Variants in KANK3 observed in about 807,000 individuals in gnomAD.
KANK3 encodes the protein KN motif and ankyrin repeat domains 3, also known as KN motif and ankyrin repeat domain-containing protein 3.
Under a neutral mutation model 65.4 loss-of-function variants are expected in KANK3, and 61 were observed. The ratio of observed to expected loss-of-function variants is 0.93; its 90% CI spans 0.76 to 1.15. The LOEUF (loss-of-function observed/expected upper bound fraction) is 1.15. Ranked by LOEUF, KANK3 falls within the 50% of genes most tolerant of loss-of-function variation. The pLI is 0.00. For missense variants in KANK3, 1,187 were observed against 1,178.8 expected (o/e 1.01, Z -0.10); for synonymous variants, 586 against 543.3 (o/e 1.08, Z -1.09).
chr19:8,325,069 C>T lies in KANK3; in HGVS notation c.1964G>A (p.Arg655Gln), dbSNP rs553565292. Residue 655 changes from arginine to glutamine, a missense_variant, in exon 8 of 11, where the codon CGA becomes CAA. Transcript: ENST00000330915. The stretch of plus-strand genomic sequence containing the variant: ...CAGCATGAGGGCCGAGTAGCCGGCT[C>T]GGTTCTGGCGGTTGACCTCGCAGGC... The part of the protein sequence containing the change: ...TGACEVNRQN[R>Q]AGYSALMLAA... 110 of 1,613,402 alleles carry T rather than the reference C, an allele frequency of 6.8e-5. No individual in the cohort carries two copies. Among genetic ancestry groups the T allele is most frequent in the Non-Finnish European group, 8.7e-5 (103 of 1,179,914 alleles).
chr19:8,340,291 T>TATATATATATATACACAC (rs1472181365), intron 1 of KANK3, among the ~76,000 whole-genome samples: 28 of 92,864 alleles, frequency 3.0e-4, no homozygotes, highest in South Asian at 7.2e-4. Flanking sequence ...TATATATATA[T>TATATATATATATACACAC]ACACACACAC....
Position 8,324,721 on chromosome 19 carries a change from G to C in KANK3, c.2192C>G (p.Thr731Arg), listed in dbSNP as rs370788910. 4.2e-5 allele frequency: 68 copies of C among 1,613,906 alleles called. No homozygotes were observed. In the African/African-American group the frequency reaches 7.1e-4, roughly 17 times the overall value. The change falls in exon 9 of 11, where the codon ACA becomes AGA. Residue 731 changes from threonine (T) to arginine (R), a missense_variant. Thr to Arg is a moderately conservative substitution (Grantham distance 71). Coordinates refer to ENST00000330915, the MANE Select transcript of KANK3 (RefSeq NM_198471.3). ...DVNAQDADGATALMCASEYGR... is the reference protein window; with the variant it reads ...DVNAQDADGARALMCASEYGR... ...ATACTCACTGGCACACATCAGCGCT[G>C]TGGCCCCATCCGCATCCTGCGCATT...
chr19:8,335,400 G>C lies in KANK3; in HGVS notation c.427C>G (p.Leu143Val). ...TLRETSRRLE[L>V]AQTHERAPSP... ...GGCGCGCGCTCGTGTGTCTGCGCCAGCTCCAGCCGCCGGCTGGTCTCCCGG... is the reference window on the plus strand; with the variant it reads ...GGCGCGCGCTCGTGTGTCTGCGCCACCTCCAGCCGCCGGCTGGTCTCCCGG... The change falls in exon 3 of 11, where the codon CTG becomes GTG. Residue 143 changes from leucine (L) to valine (V), a missense_variant. Leu to Val is a conservative substitution (Grantham distance 32). Transcript: ENST00000330915. 1 of 1,202,768 alleles carries C rather than the reference G, an allele frequency of 8.3e-7. No homozygotes were observed. Among genetic ancestry groups the C allele is most frequent in the Non-Finnish European group, 1.0e-6 (1 of 969,282 alleles). 74.5% of individuals were successfully genotyped at this position (1,202,768 alleles called of 1,614,324 possible). A position where few individuals can be genotyped will look rare whatever the true frequency, so the allele number is the denominator to read the frequency against.
chr19:8,334,152 C>T (rs1340846808), intron 4 of KANK3, 36 bp from the exon 5 acceptor site: 2 of 1,490,126 alleles, frequency 1.3e-6, no homozygotes, highest in Admixed American at 2.2e-5. Flanking sequence ...CTAAACCTCC[C>T]CTGTGGGCTC....
intron 7 of KANK3, among the ~76,000 whole-genome samples, chr19:8,332,026 T>C (rs1256183161): frequency 8.1e-6 from 1 of 123,194 alleles, no homozygotes; most frequent in African/African-American, 3.3e-5. Flanking sequence ...GAGTCTTGCA[T>C]TGTGGCCCAG....
At position 8,324,537 on chromosome 19, in the gene KANK3, C is replaced by G. The variant is rs1970384519; in HGVS notation, c.2294G>C (p.Ser765Thr). Residue 765 changes from serine (S) to threonine (T), a missense_variant, in exon 10 of 11, where the codon AGT (serine) becomes ACT (threonine). Physicochemically the swap from Ser to Thr is moderately conservative, Grantham distance 58. This residue lies in a region of KANK3 where 1,078 missense variants were observed against 1,038.2 expected (regional missense o/e 1.04). Coordinates refer to ENST00000330915, the MANE Select transcript of KANK3 (RefSeq NM_198471.3). ...DPAILDNEGTSALAIALEAEQ... is the reference protein window; with the variant it reads ...DPAILDNEGTTALAIALEAEQ... ...AGCCTCCAGGGCGATGGCCAGGGCA[C>G]TGGTGCCCTCCTGTGGAACGTTAGG... The G allele has an allele frequency of 1.2e-6, 2 of 1,613,716 alleles. No individual in the cohort carries two copies. The highest frequency in any genetic ancestry group is 1.7e-6 in the Non-Finnish European group (2 of 1,179,910).
At position 8,335,200 on chromosome 19, in the gene KANK3, C is replaced by G; in HGVS notation, c.627G>C (p.Glu209Asp). 1 of 1,219,686 alleles carries G rather than the reference C, an allele frequency of 8.2e-7. No homozygotes were observed. The highest frequency in any genetic ancestry group is 1.0e-6 in the Non-Finnish European group (1 of 980,214). The allele number at this position is 1,219,686 out of a possible 1,614,324, so 75.6% of individuals were successfully genotyped here. The change falls in exon 3 of 11, where the codon GAG becomes GAC. Residue 209 changes from glutamate to aspartate, a missense_variant. Coordinates refer to ENST00000330915, the MANE Select transcript of KANK3 (RefSeq NM_198471.3). ...ELEDQARTLP[E>D]LQEQVRALRA... is the part of the protein sequence containing the mutation. ...GCAGCGCGCGCACCTGCTCCTGCAG[C>G]TCGGGCAGCGTTCGCGCCTGGTCCT...
intron 1 of KANK3, among the ~76,000 whole-genome samples, chr19:8,341,179 T>G (rs1206270196): frequency 6.6e-6 from 1 of 151,982 alleles, no homozygotes; most frequent in Admixed American, 6.6e-5. Flanking sequence ...CTTTTGATAT[T>G]TACTATGGGC....
intron 10 of KANK3, among the ~76,000 whole-genome samples, chr19:8,323,749 T>C (rs1305776313): frequency 6.6e-6 from 1 of 152,012 alleles, no homozygotes; most frequent in African/African-American, 2.4e-5. Flanking sequence ...AAATAAAAAA[T>C]GGTAAGTGGA....
intron 1 of KANK3, among the ~76,000 whole-genome samples, chr19:8,340,058 C>T (rs1352138018): frequency 6.6e-6 from 1 of 151,046 alleles, no homozygotes; most frequent in African/African-American, 2.4e-5. Flanking sequence ...CATGGAAAAC[C>T]TTCAGGGAGG....
At position 8,333,960 on chromosome 19, in the gene KANK3, C is replaced by G; in HGVS notation, c.1584G>C (p.Arg528=). The G allele has an allele frequency of 6.4e-7, 1 of 1,562,540 alleles. No individual in the cohort carries two copies. The highest frequency in any genetic ancestry group is 2.4e-5 in the East Asian group (1 of 42,028). ...TPGPPSGGDI[R]DPEPEAEAEP... is the part of the protein sequence containing the mutation. ...CTGCCTCCGCCTCGGGCTCAGGGTC[C>G]CGGATGTCCCCGCCGCTGGGAGGGC... The change falls in exon 5 of 11, where the codon CGG becomes CGC. Residue 528 remains arginine, a synonymous_variant. Coordinates refer to ENST00000330915, the MANE Select transcript of KANK3 (RefSeq NM_198471.3). This position sits in a 1 kb window ranked among gnomAD's most constrained non-coding sequence, Gnocchi z 5.0.
Position 8,324,684 on chromosome 19 carries a change from G to A in KANK3, c.2229C>T (p.Asp743=), listed in dbSNP as rs757098841. The change falls in exon 9 of 11, where the codon GAC becomes GAT. Residue 743 remains aspartate (D), a synonymous_variant. Coordinates refer to ENST00000330915, the MANE Select transcript of KANK3 (RefSeq NM_198471.3). ...GCTGGGTGAGCAGCAGCCGCACGGT[G>A]TCCAGGCGCCCATACTCACTGGCAC... ...LMCASEYGRL[D]TVRLLLTQPG... 4.3e-6 allele frequency: 7 copies of A among 1,614,052 alleles called. No homozygotes were observed. Among genetic ancestry groups the A allele is most frequent in the Non-Finnish European group, 5.9e-6 (7 of 1,180,034 alleles).
chr19:8,326,261 T>C (rs990154133), intron 7 of KANK3, among the ~76,000 whole-genome samples: 9 of 151,854 alleles, frequency 5.9e-5, no homozygotes, highest in Non-Finnish European at 1.2e-4. Flanking sequence ...GAACCCCATC[T>C]CTACTAAAAA....
chr19:8,324,061 C>A (rs1466180445), intron 10 of KANK3, among the ~76,000 whole-genome samples: 1 of 152,196 alleles, frequency 6.6e-6, no homozygotes, highest in Non-Finnish European at 1.5e-5. Flanking sequence ...TTACTTCCCC[C>A]CTTGAGGACT....
chr19:8,337,762 C>G (rs1365061659), intron 2 of KANK3, 33 bp downstream of exon 2: 17 of 1,608,200 alleles, frequency 1.1e-5, no homozygotes, highest in Non-Finnish European at 1.2e-5. Flanking sequence ...TGCATGCGCA[C>G]ACACACACAC....
At chr19:8,339,280 TG>T in intron 1 of KANK3, among the ~76,000 whole-genome samples, 1 of 151,776 alleles carries the variant, frequency 6.6e-6, no homozygotes, top group East Asian at 1.9e-4. Flanking sequence ...CTCAGCACTC[TG>T]GGAAGCCAAA....
chr19:8,322,892 T>C lies in KANK3; in HGVS notation c.2413A>G (p.Thr805Ala). The C allele has an allele frequency of 6.4e-7, 1 of 1,562,900 alleles. No homozygotes were observed. ...SESPPGSQTA[T>A]PGEGECGDNG... Reference sequence around the variant, plus strand: ...TCACCGCATTCTCCTTCACCAGGTGTGGCTGTCTGGGAGCCAGGGGGTGAC... The same window carrying C: ...TCACCGCATTCTCCTTCACCAGGTGCGGCTGTCTGGGAGCCAGGGGGTGAC... The change falls in exon 11 of 11, where the codon ACA becomes GCA. Residue 805 changes from threonine (T) to alanine (A), a missense_variant. Coordinates refer to ENST00000330915, the MANE Select transcript of KANK3 (RefSeq NM_198471.3).
chr19:8,325,103 G>A lies in KANK3; in HGVS notation c.1937-7C>T, dbSNP rs1373930560. Reference sequence around the variant, plus strand: ...CGGTTGACCTCGCAGGCCCCTGGGAGAGAAAAGGGGGCCGTCCACGGAGAT... The same window carrying A: ...CGGTTGACCTCGCAGGCCCCTGGGAAAGAAAAGGGGGCCGTCCACGGAGAT... On this transcript the variant is annotated splice_region_variant and splice_polypyrimidine_tract_variant and intron_variant, in intron 7 of 10. Coordinates refer to ENST00000330915, the MANE Select transcript of KANK3 (RefSeq NM_198471.3). The A allele has an allele frequency of 2.5e-6, 4 of 1,607,700 alleles. No homozygotes were observed. Among genetic ancestry groups the A allele is most frequent in the Non-Finnish European group, 2.5e-6 (3 of 1,177,976 alleles).
chr19:8,328,638 G>T (rs1477911800), intron 7 of KANK3, among the ~76,000 whole-genome samples: 1 of 152,070 alleles, frequency 6.6e-6, no homozygotes, highest in Non-Finnish European at 1.5e-5. Context: ...GTGGGTAATT[G>T]TCCCCGCAAG....
Sources: gnomAD v4.1 joint callset for allele counts (sites outside exome capture counted in the v4.1 genomes callset) on GRCh38, gnomAD v4.1.1 for gene constraint, gnomAD v4.1.1 regional missense constraint, Gnocchi (gnomAD v3.1) non-coding constraint, MANE v1.5 for transcripts, NCBI Gene and HGNC (gene_info 2026-07-23, HGNC 2026-07-21) for gene names.